The following IL1RAPL1 variants were observed in gnomAD, a reference collection of about 807,000 sequenced individuals.
IL1RAPL1 encodes the protein interleukin-1 receptor accessory protein-like 1.
A neutral mutation model predicts 48.4 loss-of-function variants in IL1RAPL1; 3 were observed. The observed-to-expected ratio is 0.06, with a 90% confidence interval of 0.03 to 0.16. The LOEUF (loss-of-function observed/expected upper bound fraction) is 0.16. Ranked by LOEUF, IL1RAPL1 falls within the 10% of genes least tolerant of loss-of-function variation. The pLI, the probability that IL1RAPL1 is intolerant of heterozygous loss-of-function variation, is 1.00. For synonymous variants in IL1RAPL1, 185 were observed against 187.7 expected (o/e 0.99, Z 0.12); for missense variants, 349 against 530.6 (o/e 0.66, Z 3.36).
chrX:28,864,067 C>A (rs1444251380), intron 2 of IL1RAPL1, among the ~76,000 whole-genome samples: 1 of 112,066 alleles, frequency 8.9e-6, no homozygotes, highest in Non-Finnish European at 1.9e-5. Flanking sequence ...CACATATATA[C>A]TATTTTTTAT....
Position 29,374,560 on chromosome X carries a change from C to G in IL1RAPL1, c.363-21698C>G, listed in dbSNP as rs142388626. Among the ~76,000 whole-genome samples the G allele has an allele frequency of 4.2e-3, 459 of 109,870 alleles. 1 individual carries two copies. The highest frequency in any genetic ancestry group is 0.015 in the African/African-American group (442 of 30,252). ...CCTGGCAGGACCTCGTTCACAAAGA[C>G]AGAGAATTAACATTTGTCGAATGAA... On this transcript the variant is annotated intron_variant, in intron 3 of 10. Coordinates refer to ENST00000378993, the MANE Select transcript of IL1RAPL1 (RefSeq NM_014271.4).
chrX:28,923,355 A>G (rs1158930338), intron 2 of IL1RAPL1, among the ~76,000 whole-genome samples: 1 of 110,342 alleles, frequency 9.1e-6, no homozygotes, highest in African/African-American at 3.3e-5. Context: ...TTGTAGTTTT[A>G]GTGGAGACGG....
chrX:29,096,594 A>G (rs1928219814), intron 2 of IL1RAPL1, among the ~76,000 whole-genome samples: 1 of 111,589 alleles, frequency 9.0e-6, no homozygotes, highest in Non-Finnish European at 1.9e-5. Context: ...TTGTTTTAAA[A>G]TAATCTATTT....
intron 6 of IL1RAPL1, among the ~76,000 whole-genome samples, chrX:29,853,450 C>T (rs1931415401): frequency 9.0e-6 from 1 of 111,000 alleles, no homozygotes; most frequent in African/African-American, 3.3e-5. Flanking sequence ...AGAACAAGAC[C>T]CTGTCTCATA....
rs372529488 is a variant in IL1RAPL1 at position 29,861,923 on chromosome X, G to A, written c.779-55541G>A. ...ACACACAGTAAAGAATCTAAGCAGG[G>A]TGAGGGCCATGGCTCATGCCTGTAA... is the stretch of plus-strand genomic sequence containing the variant. On this transcript the variant is annotated intron_variant, in intron 6 of 10. Transcript: ENST00000378993. 6.7e-4 allele frequency among the ~76,000 whole-genome samples: 74 copies of A among 111,251 alleles called. No individual in the cohort carries two copies. In the South Asian group the frequency reaches 0.027, roughly 41 times the overall value.
At chrX:29,609,976 T>C (rs1173805562) in intron 5 of IL1RAPL1, among the ~76,000 whole-genome samples, 2 of 111,479 alleles carry the variant, frequency 1.8e-5, no homozygotes, top group Admixed American at 9.6e-5. Context: ...CATAAATTAA[T>C]TTGAAGAGAG....
At chrX:29,429,994 G>A (rs1434348536) in intron 5 of IL1RAPL1, among the ~76,000 whole-genome samples, 1 of 104,955 alleles carries the variant, frequency 9.5e-6, no homozygotes, top group East Asian at 3.0e-4. Flanking sequence ...TGGACTTCTG[G>A]CCTCAAGCAG....
intron 2 of IL1RAPL1, among the ~76,000 whole-genome samples, chrX:29,234,555 G>A (rs1931256989): frequency 8.9e-6 from 1 of 111,961 alleles, no homozygotes; most frequent in African/African-American, 3.3e-5. Context: ...TATAAATATT[G>A]ACTGATGGAC....
chrX:29,582,357 T>TA (rs1295517556), intron 5 of IL1RAPL1, among the ~76,000 whole-genome samples: 7 of 106,128 alleles, frequency 6.6e-5, no homozygotes, highest in Admixed American at 2.0e-4. Context: ...ATCTTTTTTT[T>TA]TTTATTTTTT....
At chrX:29,386,652 C>T (rs1293788357) in intron 3 of IL1RAPL1, among the ~76,000 whole-genome samples, 1 of 108,707 alleles carries the variant, frequency 9.2e-6, no homozygotes, top group Non-Finnish European at 1.9e-5. Flanking sequence ...AGGTGATCCT[C>T]CCACCTCAGC....
intron 1 of IL1RAPL1, among the ~76,000 whole-genome samples, chrX:28,621,913 G>A (rs1438118852): frequency 9.0e-6 from 1 of 111,258 alleles, no homozygotes; most frequent in East Asian, 2.8e-4. Context: ...GATCTTAGAT[G>A]AGCCACTTGT....
intron 6 of IL1RAPL1, among the ~76,000 whole-genome samples, chrX:29,915,928 T>C (rs181782133): frequency 0.12 from 8,404 of 68,485 alleles, 633 homozygotes; most frequent in Non-Finnish European, 0.17. Flanking sequence ...GTCCCCAGAG[T>C]GTGATATTCC....
chrX:29,014,903 A>G (rs1926206044), intron 2 of IL1RAPL1, among the ~76,000 whole-genome samples: 1 of 111,696 alleles, frequency 9.0e-6, no homozygotes, highest in Non-Finnish European at 1.9e-5. Flanking sequence ...GGAGTCAGAC[A>G]TAGTTGCTGC....
At chrX:29,121,804 G>A (rs1381005590) in intron 2 of IL1RAPL1, among the ~76,000 whole-genome samples, 1 of 111,671 alleles carries the variant, frequency 9.0e-6, no homozygotes, top group Non-Finnish European at 1.9e-5. Context: ...CAGGTTGCCA[G>A]GATTAGAACA....
intron 2 of IL1RAPL1, among the ~76,000 whole-genome samples, chrX:29,199,167 A>C (rs760036055): frequency 8.9e-6 from 1 of 111,991 alleles, no homozygotes; most frequent in Non-Finnish European, 1.9e-5. Flanking sequence ...TACCATAAAG[A>C]GATTGTTGTG....
At chrX:28,974,907 C>T (rs943086832) in intron 2 of IL1RAPL1, among the ~76,000 whole-genome samples, 1 of 112,234 alleles carries the variant, frequency 8.9e-6, no homozygotes, top group Non-Finnish European at 1.9e-5. Flanking sequence ...ATGGAGATTA[C>T]TGGCCTAAGG....
At chrX:28,911,804 T>TTTTA (rs1268726729) in intron 2 of IL1RAPL1, among the ~76,000 whole-genome samples, 1 of 109,283 alleles carries the variant, frequency 9.2e-6, no homozygotes, top group Non-Finnish European at 1.9e-5. Context: ...CTAGAAGGTA[T>TTTTA]ATTGCTTCCA....
At chrX:29,311,902 T>C (rs182757983) in intron 3 of IL1RAPL1, among the ~76,000 whole-genome samples, 11 of 112,018 alleles carry the variant, frequency 9.8e-5, no homozygotes, top group Middle Eastern at 4.7e-3. Flanking sequence ...GATTCATTTA[T>C]GTATCCACTC....
chrX:29,460,565 T>A (rs982544357), intron 5 of IL1RAPL1, among the ~76,000 whole-genome samples: 7 of 112,348 alleles, frequency 6.2e-5, no homozygotes, highest in Non-Finnish European at 9.4e-5. Context: ...CAGCTTTTTT[T>A]AAAAACTGAG....
Sources: gnomAD v4.1 joint callset for allele counts (sites outside exome capture counted in the v4.1 genomes callset) on GRCh38, gnomAD v4.1.1 for gene constraint, MANE v1.5 for transcripts, NCBI Gene and HGNC (gene_info 2026-07-23, HGNC 2026-07-21) for gene names.